Variants in NUTF2 observed in about 807,000 individuals in gnomAD.
The protein encoded by NUTF2 is placental protein 15.
NUTF2 carries 3 observed loss-of-function variants against 18.5 expected under a neutral mutation model. The ratio of observed to expected loss-of-function variants is 0.16; its 90% CI spans 0.07 to 0.42. NUTF2 has a LOEUF of 0.42. Ranked by LOEUF, NUTF2 falls within the 10% of genes least tolerant of loss-of-function variation. The pLI is 0.99. For synonymous variants in NUTF2, 51 were observed against 57.9 expected (o/e 0.88, Z 0.54); for missense variants, 44 against 160.7 (o/e 0.27, Z 3.93).
chr16:67,850,651 G>T (rs930690428), intron 1 of NUTF2, among the ~76,000 whole-genome samples: 1 of 152,168 alleles, frequency 6.6e-6, no homozygotes, highest in Non-Finnish European at 1.5e-5. Context: ...GGATCTATCT[G>T]CATCCTCTAT....
intron 1 of NUTF2, among the ~76,000 whole-genome samples, chr16:67,850,127 T>C (rs1026804891): frequency 1.3e-5 from 2 of 151,834 alleles, no homozygotes; most frequent in African/African-American, 4.8e-5. Flanking sequence ...AAGATACTTT[T>C]CCTTCTCCAA....
chr16:67,849,337 A>G (rs2151293093), intron 1 of NUTF2, among the ~76,000 whole-genome samples: 1 of 152,280 alleles, frequency 6.6e-6, no homozygotes, highest in Non-Finnish European at 1.5e-5. Flanking sequence ...TGACTTGACC[A>G]GGAGAGTTTT....
chr16:67,871,910 T>G lies in NUTF2; in HGVS notation c.*997T>G, dbSNP rs2058016153. ...CTGCCCACAGAGCCAGGCCCAGTTG[T>G]GTTGGAGTATAGGTCAGGAGCTGTG... On this transcript the variant is annotated 3_prime_UTR_variant, in exon 5 of 5. Transcript: ENST00000219169. 6.6e-6 allele frequency: 1 copy of G among 152,280 alleles called. No individual in the cohort carries two copies. Among genetic ancestry groups the G allele is most frequent in the Non-Finnish European group, 1.5e-5 (1 of 68,104 alleles). The allele number at this position is 152,280 out of a possible 1,614,324, so 9.4% of individuals were successfully genotyped here.
chr16:67,862,715 G>C (rs867704701), intron 1 of NUTF2, among the ~76,000 whole-genome samples: 1 of 152,152 alleles, frequency 6.6e-6, no homozygotes, highest in Non-Finnish European at 1.5e-5. Context: ...CTTGCCTGGA[G>C]TCTCAGCTCC....
intron 1 of NUTF2, among the ~76,000 whole-genome samples, chr16:67,849,359 C>A (rs117298895): frequency 0.029 from 4,487 of 152,230 alleles, 98 homozygotes; most frequent in Middle Eastern, 0.16. Flanking sequence ...GTTTTTCTCT[C>A]GAGACGGAGT....
chr16:67,853,383 AGTCT>A (rs2057874102), intron 1 of NUTF2, among the ~76,000 whole-genome samples: 1 of 151,984 alleles, frequency 6.6e-6, no homozygotes, highest in Admixed American at 6.6e-5. Context: ...TCTGAGACGG[AGTCT>A]CACTCTGTCT....
At chr16:67,865,720 T>C (rs952362249) in intron 2 of NUTF2, among the ~76,000 whole-genome samples, 12 of 123,832 alleles carry the variant, frequency 9.7e-5, no homozygotes, top group African/African-American at 5.0e-4. Flanking sequence ...CTGGCTGCTC[T>C]TTTTTTTTTT....
In NUTF2 at chr16:67,856,197, G is replaced by T. The variant is rs1003736024; in HGVS notation, c.-29-8905G>T. 8.3e-4 allele frequency: 241 copies of T among 289,048 alleles called. 2 individuals carry two copies. Among genetic ancestry groups the T allele is most frequent in the African/African-American group, 1.0e-3 (47 of 45,396 alleles). The allele number at this position is 289,048 out of a possible 1,614,324, so 17.9% of individuals were successfully genotyped here. A position where few individuals can be genotyped will look rare whatever the true frequency, so the allele number is the denominator to read the frequency against. ...TTTGCATCTCGGCCAGTTTTTTTTT[G>T]TTGTTGTTGTTTTTTGAGACAGTCT... On this transcript the variant is annotated intron_variant, in intron 1 of 4. Transcript: ENST00000219169.
intron 1 of NUTF2, chr16:67,855,884 TGGCGGGG>T: frequency 3.4e-6 from 1 of 291,146 alleles, no homozygotes; most frequent in Non-Finnish European, 6.0e-6. Context: ...GATTTTTTTT[TGGCGGGG>T]GGGGGGGATG....
chr16:67,867,128 T>C (rs1265862093), intron 2 of NUTF2, among the ~76,000 whole-genome samples: 1 of 151,866 alleles, frequency 6.6e-6, no homozygotes, highest in African/African-American at 2.4e-5. Flanking sequence ...CGCACCACCA[T>C]GCCCAGCTAA....
chr16:67,858,110 G>A (rs964007550), intron 1 of NUTF2, among the ~76,000 whole-genome samples: 1 of 152,208 alleles, frequency 6.6e-6, no homozygotes, highest in African/African-American at 2.4e-5. Context: ...GTCATGCAGT[G>A]ATAAGTGCTA....
At chr16:67,851,595 T>C (rs1567378699) in intron 1 of NUTF2, among the ~76,000 whole-genome samples, 1 of 152,174 alleles carries the variant, frequency 6.6e-6, no homozygotes, top group African/African-American at 2.4e-5. Context: ...GCCATGTTGA[T>C]GTGCTGCACC....
rs201824258 is a variant in NUTF2, at chr16:67,849,643, ATTTTAT to A, written c.-30+2671_-30+2676del. Among the ~76,000 whole-genome samples the A allele has an allele frequency of 2.7e-5, 4 of 147,676 alleles. No individual in the cohort carries two copies. In the East Asian group the frequency reaches 8.2e-4, roughly 30 times the overall value. ...GGCATGAGCCACTGATCCCGGCCTA[ATTTTAT>A]TTTTATTTTTATCTATTTATTTATT... On this transcript the variant is annotated intron_variant, in intron 1 of 4. Transcript: ENST00000219169.
intron 1 of NUTF2, among the ~76,000 whole-genome samples, chr16:67,863,595 G>A (rs941365784): frequency 3.3e-5 from 5 of 152,188 alleles, no homozygotes; most frequent in Non-Finnish European, 1.5e-5. Flanking sequence ...GGCACTGTCA[G>A]GTTGCCATCC....
intron 1 of NUTF2, among the ~76,000 whole-genome samples, chr16:67,857,292 C>T (rs990558299): frequency 6.6e-6 from 1 of 152,126 alleles, no homozygotes; most frequent in Non-Finnish European, 1.5e-5. Flanking sequence ...ATGCAGGTCT[C>T]GGGATTCAGC....
chr16:67,849,297 G>A (rs2057833939), intron 1 of NUTF2, among the ~76,000 whole-genome samples: 2 of 152,210 alleles, frequency 1.3e-5, no homozygotes, highest in Admixed American at 1.3e-4. Flanking sequence ...TTACGGCTAT[G>A]GCGTAGTTTG....
chr16:67,851,089 C>A (rs1485932295), intron 1 of NUTF2, among the ~76,000 whole-genome samples: 1 of 152,090 alleles, frequency 6.6e-6, no homozygotes, highest in African/African-American at 2.4e-5. Context: ...GTGTGAGCCA[C>A]CGCACCTGGC....
At chr16:67,849,744 C>T (rs984496765) in intron 1 of NUTF2, among the ~76,000 whole-genome samples, 7 of 151,934 alleles carry the variant, frequency 4.6e-5, no homozygotes, top group African/African-American at 1.7e-4. Context: ...TTGCAAGCTC[C>T]GCCTCCCGGG....
intron 3 of NUTF2, 28 bp downstream of exon 3, chr16:67,868,439 G>A (rs1277968420): frequency 6.2e-7 from 1 of 1,613,882 alleles, no homozygotes; most frequent in Admixed American, 1.7e-5. Context: ...CCAGGGTGCA[G>A]GTGGCTCCTT....
Sources: allele counts gnomAD v4.1 joint callset (sites outside exome capture counted in the v4.1 genomes callset), GRCh38; gene constraint gnomAD v4.1.1; transcripts MANE v1.5; gene names NCBI Gene and HGNC (gene_info 2026-07-23, HGNC 2026-07-21).